NFXL1: variants seen among roughly 807,000 people sequenced by gnomAD.
NFXL1 encodes the protein NF-X1-type zinc finger protein NFXL1.
A neutral mutation model predicts 123.3 loss-of-function variants in NFXL1; 66 were observed. The ratio of observed to expected loss-of-function variants is 0.54; its 90% confidence interval spans 0.44 to 0.66. The LOEUF (loss-of-function observed/expected upper bound fraction) is 0.66, where lower values mean the gene tolerates loss of function less well. Ranked by LOEUF, NFXL1 falls within the 30% of genes least tolerant of loss-of-function variation. NFXL1 has a pLI of 0.00. For synonymous variants in NFXL1, 346 were observed against 360.8 expected (o/e 0.96, Z 0.46); for missense variants, 944 against 1,125.6 (o/e 0.84, Z 2.31).
At chr4:47,886,419 G>C (rs1291725259) in intron 12 of NFXL1, among the ~76,000 whole-genome samples, 3 of 151,772 alleles carry the variant, frequency 2.0e-5, no homozygotes, top group Non-Finnish European at 4.4e-5. Flanking sequence ...CTCAAGCTGA[G>C]TGCTGTTGCA....
chr4:47,884,053 G>T (rs1177237176), intron 15 of NFXL1, among the ~76,000 whole-genome samples: 1 of 152,158 alleles, frequency 6.6e-6, no homozygotes. Context: ...AACAAATGAT[G>T]TTCCTTGGAT....
chr4:47,909,656 TTTC>T (rs1232024415), intron 3 of NFXL1, among the ~76,000 whole-genome samples: 6 of 149,944 alleles, frequency 4.0e-5, no homozygotes, highest in Non-Finnish European at 3.0e-5. Context: ...TATTTCTTTC[TTTC>T]TTTTTTTTTT....
intron 4 of NFXL1, 140 bp from the exon 5 acceptor site, chr4:47,903,463 C>A: frequency 2.4e-6 from 1 of 416,456 alleles, no homozygotes; most frequent in South Asian, 8.7e-5. Flanking sequence ...TCCAGTATAA[C>A]AGAAGAACTG....
At chr4:47,857,585 G>T (rs1734486302) in intron 19 of NFXL1, among the ~76,000 whole-genome samples, 1 of 152,114 alleles carries the variant, frequency 6.6e-6, no homozygotes, top group South Asian at 2.1e-4. Context: ...TCTCTGGCTA[G>T]GTCTTCTGCC....
At chr4:47,866,745 G>A (rs1735101700) in intron 18 of NFXL1, among the ~76,000 whole-genome samples, 1 of 152,172 alleles carries the variant, frequency 6.6e-6, no homozygotes, top group African/African-American at 2.4e-5. Context: ...TCCCAGAACT[G>A]GTAAGAACAG....
At chr4:47,881,264 TCACTGTATATCA>T (rs1736101165) in intron 15 of NFXL1, among the ~76,000 whole-genome samples, 1 of 152,170 alleles carries the variant, frequency 6.6e-6, no homozygotes, top group Non-Finnish European at 1.5e-5. Context: ...CCTGATCTGA[TCACTGTATATCA>T]CACTGTATGT....
At chr4:47,890,730 C>A in intron 11 of NFXL1, 27 bp from the exon 12 acceptor site, 1 of 1,362,836 alleles carries the variant, frequency 7.3e-7, no homozygotes, top group Non-Finnish European at 1.0e-6. Context: ...ATATAAAGAA[C>A]AGGTAATTCA....
At chr4:47,867,564 T>G (rs923606376) in intron 18 of NFXL1, among the ~76,000 whole-genome samples, 3 of 152,136 alleles carry the variant, frequency 2.0e-5, no homozygotes, top group Admixed American at 6.5e-5. Context: ...TTGAAAGGGC[T>G]AATCAGGTAC....
At chr4:47,905,632 C>G (rs1030601515) in intron 3 of NFXL1, among the ~76,000 whole-genome samples, 1 of 151,642 alleles carries the variant, frequency 6.6e-6, no homozygotes, top group Non-Finnish European at 1.5e-5. Context: ...TTGGCAGAAG[C>G]AGAGCCATAA....
chr4:47,899,377 A>G lies in NFXL1; in HGVS notation c.819T>C (p.Cys273=). ...PPCGHKCLLL[C]HPGPCPPCPK... ...ATGCAATATATAACTCACCTGGATGACAGAGGAGTAAACATTTATGGCCAC... is the reference window on the plus strand; with the variant it reads ...ATGCAATATATAACTCACCTGGATGGCAGAGGAGTAAACATTTATGGCCAC... The change falls in exon 6 of 23, where the codon TGT becomes TGC. Residue 273 remains cysteine (C), a synonymous_variant. Coordinates refer to ENST00000507489, the MANE Select transcript of NFXL1 (RefSeq NM_001278624.2). The G allele has an allele frequency of 1.9e-6, 3 of 1,611,128 alleles. No homozygotes were observed. Among genetic ancestry groups the G allele is most frequent in the Non-Finnish European group, 1.7e-6 (2 of 1,177,362 alleles).
At chr4:47,848,870 C>A (rs896659674) in intron 22 of NFXL1, among the ~76,000 whole-genome samples, 2 of 151,960 alleles carry the variant, frequency 1.3e-5, no homozygotes, top group Non-Finnish European at 2.9e-5. Context: ...GCCTGGGCAA[C>A]AGAGAGAGAC....
At chr4:47,905,472 CAAG>C (rs546816994) in intron 3 of NFXL1, 126 bp from the exon 4 acceptor site, 40 of 469,502 alleles carry the variant, frequency 8.5e-5, no homozygotes, top group African/African-American at 6.6e-4. Flanking sequence ...AGCTGTAAAA[CAAG>C]AAGTTTTTTT....
At chr4:47,887,936 G>A (rs1458196481) in intron 12 of NFXL1, among the ~76,000 whole-genome samples, 1 of 151,972 alleles carries the variant, frequency 6.6e-6, no homozygotes, top group Non-Finnish European at 1.5e-5. Flanking sequence ...CATGATTCGG[G>A]TAGTTCTAAA....
At chr4:47,894,332 T>C (rs760404955) in intron 10 of NFXL1, 30 bp from the exon 11 acceptor site, 2 of 1,520,108 alleles carry the variant, frequency 1.3e-6, no homozygotes, top group Admixed American at 2.1e-5. Flanking sequence ...GCTATTAAAA[T>C]TGATTTTTGT....
intron 12 of NFXL1, among the ~76,000 whole-genome samples, chr4:47,886,610 T>A (rs1001921404): frequency 2.0e-5 from 3 of 152,136 alleles, no homozygotes; most frequent in Admixed American, 2.0e-4. Context: ...ACTCAAGCAA[T>A]CTTCCCACCT....
intron 1 of NFXL1, 59 bp from the exon 2 acceptor site, chr4:47,914,264 GC>G: frequency 2.3e-6 from 3 of 1,297,910 alleles, no homozygotes; most frequent in Non-Finnish European, 3.1e-6. Flanking sequence ...GAGGACCGAG[GC>G]GAAGGAGGGT....
At chr4:47,861,969 G>T (rs920219700) in intron 19 of NFXL1, among the ~76,000 whole-genome samples, 1 of 152,060 alleles carries the variant, frequency 6.6e-6, no homozygotes, top group Non-Finnish European at 1.5e-5. Flanking sequence ...ACTTAGATAA[G>T]GGCATAAAGA....
intron 20 of NFXL1, among the ~76,000 whole-genome samples, chr4:47,853,481 C>T (rs73141944): frequency 0.03 from 4,512 of 152,088 alleles, 245 homozygotes; most frequent in African/African-American, 0.1. Flanking sequence ...CAAAGCTCTA[C>T]ATTATGAACC....
At chr4:47,869,228 A>G (rs1368073975) in intron 18 of NFXL1, among the ~76,000 whole-genome samples, 1 of 152,180 alleles carries the variant, frequency 6.6e-6, no homozygotes, top group Non-Finnish European at 1.5e-5. Context: ...GTGTCTCAAA[A>G]CACAAAAACC....
Sources: allele counts gnomAD v4.1 joint callset (sites outside exome capture counted in the v4.1 genomes callset), GRCh38; gene constraint gnomAD v4.1.1; transcripts MANE v1.5; gene names NCBI Gene and HGNC (gene_info 2026-07-23, HGNC 2026-07-21).